Variants in RGS11 observed in about 807,000 individuals in gnomAD.
RGS11 encodes the protein regulator of G-protein signaling 11.
RGS11 carries 86 observed loss-of-function variants against 71.1 expected under a neutral mutation model. That is an observed-to-expected ratio of 1.21 (90% CI 1.02 to 1.45). RGS11 has a LOEUF of 1.45. Among genes scored for constraint, RGS11 ranks in the 40% most tolerant of loss-of-function variants. The pLI, the probability that RGS11 is intolerant of heterozygous loss-of-function variation, is 0.00. For synonymous variants in RGS11, 298 were observed against 254.2 expected, an observed-to-expected ratio of 1.17 and a Z score of -1.64; for missense variants, 734 against 635.1, an observed-to-expected ratio of 1.16 and a Z score of -1.67.
rs1248026830 is a variant in RGS11, at chr16:274,131, G to T, written c.371-30C>A. The T allele has an allele frequency of 1.9e-6, 3 of 1,562,828 alleles. No homozygotes were observed. In the African/African-American group the frequency reaches 4.1e-5, roughly 21 times the overall value. ...AAGAACAGGGACAGCCTGCAGAGGG[G>T]CCAGCTCTGCCCTGCCTCACGGCAT... On this transcript the variant is annotated intron_variant, in intron 5 of 16. Transcript: ENST00000397770.
intron 9 of RGS11, chr16:271,868 C>G: frequency 2.2e-6 from 1 of 463,040 alleles, no homozygotes; most frequent in Non-Finnish European, 3.9e-6. Flanking sequence ...GACAGTTTCA[C>G]TCTTGTTTCC....
intron 4 of RGS11, chr16:274,491 C>T: frequency 3.3e-6 from 2 of 606,800 alleles, no homozygotes; most frequent in Non-Finnish European, 5.9e-6. Flanking sequence ...CTGCCTCCCT[C>T]ACTGGTCACC....
chr16:274,400 A>C, intron 4 of RGS11, 135 bp from the exon 5 acceptor site: 1 of 880,392 alleles, frequency 1.1e-6, no homozygotes, highest in Non-Finnish European at 1.8e-6. Context: ...CCTGCCCACC[A>C]CCGAGAGACT....
At chr16:275,598 G>T (rs544592633) in intron 1 of RGS11, 100 bp from the exon 2 acceptor site, 1 of 1,063,122 alleles carries the variant, frequency 9.4e-7, no homozygotes, top group Admixed American at 2.8e-5. Context: ...GGAGATTAAC[G>T]CGCGGCGGCG....
At position 275,373 on chromosome 16, in the gene RGS11, G is replaced by A. The variant is rs201359313; in HGVS notation, c.160+29C>T. 45 of 1,610,304 alleles carry A rather than the reference G, an allele frequency of 2.8e-5. No individual in the cohort carries two copies. The Admixed American group carries it at 3.8e-4, about 14-fold the overall frequency. Reference sequence around the variant, plus strand: ...CAGAGGTGGAGGGAGGCCGAGGCGCGCACGCACCCCCGCCCCGGCGCGCCT... The same window carrying A: ...CAGAGGTGGAGGGAGGCCGAGGCGCACACGCACCCCCGCCCCGGCGCGCCT... On this transcript the variant is annotated intron_variant, in intron 2 of 16. Coordinates refer to ENST00000397770, the MANE Select transcript of RGS11 (RefSeq NM_183337.3).
chr16:270,637 G>C lies in RGS11; in HGVS notation c.1092C>G (p.Ala364=). ...TCCGGCTGTCGATGTTGACCCAGTG[G>C]GCAGCTCCGGGGGCCAGGAACTGCC... ...VYEQFLAPGA[A]HWVNIDSRTM... is the part of the protein sequence containing the mutation. The change falls in exon 15 of 17, where the codon GCC becomes GCG. Residue 364 remains alanine (A), a synonymous_variant. Coordinates refer to ENST00000397770, the MANE Select transcript of RGS11 (RefSeq NM_183337.3). The C allele has an allele frequency of 6.2e-7, 1 of 1,609,090 alleles. No homozygotes were observed. Among genetic ancestry groups the C allele is most frequent in the Non-Finnish European group, 8.5e-7 (1 of 1,178,462 alleles).
In RGS11 at chr16:273,443, G is replaced by T. The variant is rs1397550415; in HGVS notation, c.588+32C>A. 4 of 1,517,326 alleles carry T rather than the reference G, an allele frequency of 2.6e-6. No individual in the cohort carries two copies. The Admixed American group carries it at 8.0e-5, about 30-fold the overall frequency. The allele number at this position is 1,517,326 out of a possible 1,614,324, so 94.0% of individuals were successfully genotyped here. A position where few individuals can be genotyped will look rare whatever the true frequency, so the allele number is the denominator to read the frequency against. ...AGCACGCTGACCCCTGCGCTGGCCA[G>T]CGACCCCCACCCTCACCGCAGGTGG... On this transcript the variant is annotated intron_variant, in intron 8 of 16. Transcript: ENST00000397770.
At chr16:273,585 C>T (rs139145754) in intron 7 of RGS11, 29 bp from the exon 8 acceptor site, 152 of 1,544,752 alleles carry the variant, frequency 9.8e-5, no homozygotes, top group South Asian at 1.5e-4. Flanking sequence ...GTTGAGGGCA[C>T]GCCCTGCACA....
Position 268,353 on chromosome 16 carries a change from G to A in RGS11, c.*916C>T, listed in dbSNP as rs76735572. On this transcript the variant is annotated 3_prime_UTR_variant, in exon 17 of 17. Transcript: ENST00000397770. ...AGGGTCTTTTATTTGTGTGCTGGAC[G>A]CTGTTGGGAGTGACTGGATGTGAGC... 1,940 of 261,354 alleles carry A rather than the reference G, an allele frequency of 7.4e-3. 44 individuals carry two copies. The highest frequency in any genetic ancestry group is 0.04 in the African/African-American group (1,842 of 45,820). The allele number at this position is 261,354 out of a possible 1,614,324, so 16.2% of individuals were successfully genotyped here. A position where few individuals can be genotyped will look rare whatever the true frequency, so the allele number is the denominator to read the frequency against.
At chr16:272,429 G>C (rs1357467060) in intron 9 of RGS11, 1 of 1,303,216 alleles carries the variant, frequency 7.7e-7, no homozygotes, top group East Asian at 5.3e-5. Context: ...TTGAACAAAG[G>C]GTTTTGCTGC....
chr16:270,894 T>G (rs1596891355), intron 13 of RGS11, 63 bp from the exon 14 acceptor site: 1 of 1,579,460 alleles, frequency 6.3e-7, no homozygotes, highest in Non-Finnish European at 8.6e-7. Context: ...CGGTGGGGGG[T>G]TCCCAGGGAG....
chr16:271,391 C>G lies in RGS11; in HGVS notation c.749+8G>C. On this transcript the variant is annotated splice_region_variant and intron_variant, in intron 11 of 16. Coordinates refer to ENST00000397770, the MANE Select transcript of RGS11 (RefSeq NM_183337.3). ...GGGTCTCCAGCTGCCACCCCTCACC[C>G]CACTCACGCCTCAAGGCAGACGGAG... is the stretch of plus-strand genomic sequence containing the variant. 6.2e-7 allele frequency: 1 copy of G among 1,613,614 alleles called. No individual in the cohort carries two copies. The highest frequency in any genetic ancestry group is 8.5e-7 in the Non-Finnish European group (1 of 1,179,996).
At position 275,399 on chromosome 16, in the gene RGS11, C is replaced by T. The variant is rs1171760402; in HGVS notation, c.160+3G>A. The T allele has an allele frequency of 6.2e-7, 1 of 1,607,578 alleles. No homozygotes were observed. Among genetic ancestry groups the T allele is most frequent in the East Asian group, 2.2e-5 (1 of 44,808 alleles). ...CACGCACCCCCGCCCCGGCGCGCCT[C>T]ACCTGTCACCGCGTGGGGAATGACG... On this transcript the variant is annotated splice_donor_region_variant and intron_variant, in intron 2 of 16. Coordinates refer to ENST00000397770, the MANE Select transcript of RGS11 (RefSeq NM_183337.3).
In RGS11 at chr16:268,613, A is replaced by C; in HGVS notation, c.*656T>G. ...TGGGGTGACAATGTCAGAGTTGTCT[A>C]TAAATCGGGGGGGAGGCCGCGGCCT... On this transcript the variant is annotated 3_prime_UTR_variant, in exon 17 of 17. Coordinates refer to ENST00000397770, the MANE Select transcript of RGS11 (RefSeq NM_183337.3). The C allele has an allele frequency of 1.5e-6, 1 of 658,448 alleles. No individual in the cohort carries two copies. Among genetic ancestry groups the C allele is most frequent in the Non-Finnish European group, 2.6e-6 (1 of 380,150 alleles). The allele number at this position is 658,448 out of a possible 1,614,324, so 40.8% of individuals were successfully genotyped here. A position where few individuals can be genotyped will look rare whatever the true frequency, so the allele number is the denominator to read the frequency against.
intron 15 of RGS11, 42 bp from the exon 16 acceptor site, chr16:269,627 C>T (rs772427663): frequency 2.7e-6 from 4 of 1,455,184 alleles, no homozygotes; most frequent in South Asian, 2.3e-5. Context: ...TCTGCCTCCT[C>T]ACCTCTCAGC....
At position 273,814 on chromosome 16, in the gene RGS11, T is replaced by C. The variant is rs1166169217; in HGVS notation, c.452A>G (p.Lys151Arg). 2 of 1,613,166 alleles carry C rather than the reference T, an allele frequency of 1.2e-6. No individual in the cohort carries two copies. Among genetic ancestry groups the C allele is most frequent in the African/African-American group, 1.3e-5 (1 of 74,944 alleles). The change falls in exon 7 of 17, where the codon AAG becomes AGG. Residue 151 changes from lysine (K) to arginine (R), a missense_variant. By Grantham distance (26) the Lys-to-Arg change is conservative (BLOSUM62 2). Transcript: ENST00000397770. Reference sequence around the variant, plus strand: ...CAGGTCCCATGCGTGGTTGATCTTCTTGTGTAGCCGGTCATAGCAGTCCTG... The same window carrying C: ...CAGGTCCCATGCGTGGTTGATCTTCCTGTGTAGCCGGTCATAGCAGTCCTG... ...YEKDCYDRLH[K>R]KINHAWDLVL...
chr16:274,248 T>C lies in RGS11; in HGVS notation c.336A>G (p.Thr112=). 1 of 1,611,234 alleles carries C rather than the reference T, an allele frequency of 6.2e-7. No homozygotes were observed. Residue 112 remains threonine, a synonymous_variant, in exon 5 of 17, where the codon ACA becomes ACG. Transcript: ENST00000397770. The part of the protein sequence containing the change: ...PYRFQTPYFW[T]STLRPAAELD... Reference sequence around the variant, plus strand: ...GCTCTGCAGCCGGCCTCAGGGTACTTGTCCAGAAGTACGGGGTCTGGCGTG... The same window carrying C: ...GCTCTGCAGCCGGCCTCAGGGTACTCGTCCAGAAGTACGGGGTCTGGCGTG...
At chr16:272,766 C>G (rs2141415761) in intron 9 of RGS11, 97 bp downstream of exon 9, 1 of 1,526,984 alleles carries the variant, frequency 6.5e-7, no homozygotes, top group Non-Finnish European at 8.8e-7. Context: ...TCTGGGTGGA[C>G]CAAATGACGG....
At chr16:275,645 G>A (rs2052141141) in intron 1 of RGS11, 147 bp from the exon 2 acceptor site, 2 of 714,626 alleles carry the variant, frequency 2.8e-6, no homozygotes, top group Non-Finnish European at 2.1e-6. Flanking sequence ...GGGGACGCGG[G>A]GCGGGCCGGG....
Sources: gnomAD v4.1 joint callset for allele counts on GRCh38, gnomAD v4.1.1 for gene constraint, MANE v1.5 for transcripts, NCBI Gene and HGNC (gene_info 2026-07-23, HGNC 2026-07-21) for gene names.